Variants in DENND10 observed in about 807,000 individuals in gnomAD.
DENND10 encodes DENN domain containing 10.
A neutral mutation model predicts 43.6 loss-of-function variants in DENND10; 24 were observed. That is an observed-to-expected ratio of 0.55 (90% confidence interval 0.40 to 0.77). DENND10 has a LOEUF of 0.77. Ranked by LOEUF, DENND10 falls within the 30% of genes least tolerant of loss-of-function variation. DENND10 has a pLI of 0.00. For synonymous variants in DENND10, 125 were observed against 157.6 expected, an observed-to-expected ratio of 0.79 and a Z score of 1.55; for missense variants, 303 against 429.9, an observed-to-expected ratio of 0.70 and a Z score of 2.61.
Position 119,132,581 on chromosome 10 carries a change from C to T in DENND10, c.869C>T (p.Pro290Leu). Residue 290 changes from proline (P) to leucine (L), a missense_variant, in exon 8 of 9, where the codon CCA becomes CTA. Pro to Leu is a moderately conservative substitution (Grantham distance 98). Transcript: ENST00000361432. This position sits in a 1 kb window ranked among gnomAD's most constrained non-coding sequence, Gnocchi z 4.2. ...GQLIVQSAED[P>L]EKSESHVIQD... ...CTAATTGTTCAGTCTGCAGAAGATC[C>T]AGAGAAATCAGAGAGCCACGTTATA... The T allele has an allele frequency of 6.2e-7, 1 of 1,614,066 alleles. No individual in the cohort carries two copies. Among genetic ancestry groups the T allele is most frequent in the Non-Finnish European group, 8.5e-7 (1 of 1,179,968 alleles).
At chr10:119,109,118 C>T (rs1455524169) in intron 2 of DENND10, among the ~76,000 whole-genome samples, 5 of 148,812 alleles carry the variant, frequency 3.4e-5, no homozygotes, top group South Asian at 4.3e-4. Context: ...CGGGAGGCTG[C>T]GGCAGGAGAA....
intron 3 of DENND10, chr10:119,114,180 A>C (rs1053715284): frequency 6.6e-6 from 1 of 152,160 alleles, no homozygotes; most frequent in African/African-American, 2.4e-5. Flanking sequence ...GAGGACTCGG[A>C]GCTACTGCCA....
rs760461333 is a variant in DENND10, at chr10:119,129,543, G to A, written c.723G>A (p.Glu241=). Residue 241 remains glutamate, a synonymous_variant, in exon 7 of 9, where the codon GAG becomes GAA. Transcript: ENST00000361432. ...ACGTCGCTGGATTTGTAGACTTGGA[G>A]GTGAGCAACAGACCAGACCTCTATG... ...TGYVAGFVDL[E]VSNRPDLYDV... is the part of the protein sequence containing the mutation. The A allele has an allele frequency of 6.2e-7, 1 of 1,613,642 alleles. No individual in the cohort carries two copies. The highest frequency in any genetic ancestry group is 8.5e-7 in the Non-Finnish European group (1 of 1,179,542).
chr10:119,127,708 G>A (rs1845897728), intron 6 of DENND10, among the ~76,000 whole-genome samples: 3 of 151,670 alleles, frequency 2.0e-5, no homozygotes, highest in Admixed American at 6.6e-5. Flanking sequence ...GGCAGGCCTC[G>A]AACTCCTGAG....
rs146464623 is a variant in DENND10, at chr10:119,120,408, T to C, written c.549T>C (p.Ile183=). The change falls in exon 5 of 9, where the codon ATT becomes ATC. Residue 183 remains isoleucine (I), a synonymous_variant. Coordinates refer to ENST00000361432, the MANE Select transcript of DENND10 (RefSeq NM_207009.4). ...CAGCACTGATGCTAAAGAAAAGAAT[T>C]GTGGTGTATCACCCCAAGATAGAAG... The part of the protein sequence containing the change: ...LHTALMLKKR[I]VVYHPKIEAV... 3.1e-4 allele frequency: 505 copies of C among 1,613,198 alleles called. No homozygotes were observed. The highest frequency in any genetic ancestry group is 3.9e-4 in the Non-Finnish European group (465 of 1,179,124).
rs1845363695 is a variant in DENND10 at position 119,117,747 on chromosome 10, C to CACG, written c.481+82_481+84dup. 2.1e-5 allele frequency: 29 copies of CACG among 1,397,104 alleles called. No individual in the cohort carries two copies. The South Asian group carries it at 3.3e-4, about 16-fold the overall frequency. 86.5% of individuals were successfully genotyped at this position (1,397,104 alleles called of 1,614,324 possible). On this transcript the variant is annotated intron_variant, in intron 4 of 8. Coordinates refer to ENST00000361432, the MANE Select transcript of DENND10 (RefSeq NM_207009.4). ...CTTTGGGAGGCCAAGGCGGGTGGAT[C>CACG]ACGAGGTCAGGAGATCGAGACCATC...
rs138180772 is a variant in DENND10, at chr10:119,129,556, C to G, written c.736C>G (p.Pro246Ala). ...GFVDLEVSNR[P>A]DLYDVFVNLA... Reference sequence around the variant, plus strand: ...TGTAGACTTGGAGGTGAGCAACAGACCAGACCTCTATGATGTGTTTGTGAA... The same window carrying G: ...TGTAGACTTGGAGGTGAGCAACAGAGCAGACCTCTATGATGTGTTTGTGAA... Residue 246 changes from proline to alanine, a missense_variant, in exon 7 of 9, where the codon CCA (proline) becomes GCA (alanine). Transcript: ENST00000361432. 2.1e-5 allele frequency: 34 copies of G among 1,613,856 alleles called. No individual in the cohort carries two copies. In the African/African-American group the frequency reaches 4.4e-4, roughly 21 times the overall value.
At position 119,132,844 on chromosome 10, in the gene DENND10, G is replaced by A. The variant is rs765678411; in HGVS notation, c.897+235G>A. On this transcript the variant is annotated intron_variant, in intron 8 of 8. Transcript: ENST00000361432. This position sits in a 1 kb window ranked among gnomAD's most constrained non-coding sequence, Gnocchi z 4.2. ...ATACACAGGGGCTGGTGCTGACACC[G>A]ACCGCTGGCAATGAGAAATGTAACT... is the stretch of plus-strand genomic sequence containing the variant. 5 of 488,224 alleles carry A rather than the reference G, an allele frequency of 1.0e-5. No homozygotes were observed. Among genetic ancestry groups the A allele is most frequent in the Non-Finnish European group, 1.5e-5 (4 of 273,248 alleles). 30.2% of individuals were successfully genotyped at this position (488,224 alleles called of 1,614,324 possible).
intron 3 of DENND10, among the ~76,000 whole-genome samples, chr10:119,116,971 C>T (rs1160930020): frequency 3.3e-5 from 5 of 151,970 alleles, no homozygotes; most frequent in Non-Finnish European, 1.5e-5. Context: ...TGAGCCACTG[C>T]GCCCGGCTGC....
intron 7 of DENND10, among the ~76,000 whole-genome samples, chr10:119,130,978 C>A (rs1307968566): frequency 2.6e-5 from 4 of 152,224 alleles, no homozygotes; most frequent in Non-Finnish European, 5.9e-5. Context: ...ATGTCTCCAC[C>A]TCTTGAAGAA....
In DENND10 at chr10:119,117,516, C is replaced by G. The variant is rs759932544; in HGVS notation, c.333-3C>G. ...ACAGTTGCTTTGTTGTCCTTTCTTA[C>G]AGAATGTACCTGAAACATGGGAGCC... is the stretch of plus-strand genomic sequence containing the variant. On this transcript the variant is annotated splice_region_variant and splice_polypyrimidine_tract_variant and intron_variant, in intron 3 of 8. Transcript: ENST00000361432. 1.2e-6 allele frequency: 2 copies of G among 1,611,494 alleles called. No individual in the cohort carries two copies. The highest frequency in any genetic ancestry group is 1.7e-6 in the Non-Finnish European group (2 of 1,178,514).
Position 119,136,822 on chromosome 10 carries a change from G to A in DENND10, c.*175G>A, listed in dbSNP as rs1209713824. ...CAATGAAACACATGAACACACTTCC[G>A]ATTTTCTCCTCGCTGATTAGCTTCC... On this transcript the variant is annotated 3_prime_UTR_variant, in exon 9 of 9. Transcript: ENST00000361432. 4.3e-6 allele frequency: 2 copies of A among 463,214 alleles called. No individual in the cohort carries two copies. The highest frequency in any genetic ancestry group is 3.9e-6 in the Non-Finnish European group (1 of 253,588). The allele number at this position is 463,214 out of a possible 1,614,324, so 28.7% of individuals were successfully genotyped here. A position where few individuals can be genotyped will look rare whatever the true frequency, so the allele number is the denominator to read the frequency against.
intron 2 of DENND10, 57 bp downstream of exon 2, chr10:119,108,221 A>T: frequency 1.6e-6 from 2 of 1,248,768 alleles, no homozygotes; most frequent in Non-Finnish European, 2.3e-6. Flanking sequence ...GCGGTGGCTC[A>T]TGCCTGTAAT....
chr10:119,112,928 C>T (rs1845047951), intron 3 of DENND10, among the ~76,000 whole-genome samples: 1 of 151,762 alleles, frequency 6.6e-6, no homozygotes. Context: ...TGGCTCACTG[C>T]AACCTCTGCC....
chr10:119,108,689 C>T (rs190857898), intron 2 of DENND10, among the ~76,000 whole-genome samples: 1 of 150,044 alleles, frequency 6.7e-6, no homozygotes, highest in African/African-American at 2.4e-5. Context: ...TGGAGTTTTT[C>T]TGTTGGTCAG....
At chr10:119,104,250 T>C (rs1844570307) in intron 1 of DENND10, 53 bp downstream of exon 1, 2 of 1,466,466 alleles carry the variant, frequency 1.4e-6, no homozygotes, top group Non-Finnish European at 1.8e-6. Context: ...CTGCCTCTGC[T>C]CCACCTCGGC....
chr10:119,127,091 G>T (rs1202413937), intron 6 of DENND10, among the ~76,000 whole-genome samples: 2 of 150,518 alleles, frequency 1.3e-5, no homozygotes, highest in Non-Finnish European at 3.0e-5. Flanking sequence ...TTTTGGTAGA[G>T]ATAAGGTTTC....
intron 2 of DENND10, among the ~76,000 whole-genome samples, chr10:119,108,481 C>CAAAAAAA (rs371995219): frequency 2.0e-5 from 2 of 98,964 alleles, no homozygotes; most frequent in African/African-American, 7.4e-5. Context: ...GACTCCGTCT[C>CAAAAAAA]AAAAAAAAAA....
chr10:119,120,532 G>T, intron 5 of DENND10, 80 bp downstream of exon 5: 1 of 884,256 alleles, frequency 1.1e-6, no homozygotes, highest in South Asian at 1.4e-5. Context: ...GTGCTCTGCT[G>T]TGTTGCACAT....
Sources: allele counts gnomAD v4.1 joint callset (sites outside exome capture counted in the v4.1 genomes callset), GRCh38; gene constraint gnomAD v4.1.1; non-coding constraint Gnocchi (gnomAD v3.1); transcripts MANE v1.5; gene names NCBI Gene and HGNC (gene_info 2026-07-23, HGNC 2026-07-21).